Variants in MIA2 observed in about 807,000 individuals in gnomAD.
The protein encoded by MIA2 is melanoma inhibitory activity protein 2.
Under a neutral mutation model 167.8 loss-of-function variants are expected in MIA2, and 127 were observed. That is an observed-to-expected ratio of 0.76 (90% CI 0.66 to 0.88). The LOEUF is 0.88. Among genes scored for constraint, MIA2 ranks in the 40% least tolerant of loss-of-function variants. The probability of loss-of-function intolerance (pLI) is 0.00; values close to 1 mark genes in which losing one functional copy is unlikely to be tolerated. For missense variants in MIA2, 1,690 were observed against 1,624.7 expected (o/e 1.04, Z -0.69); for synonymous variants, 552 against 541.9 (o/e 1.02, Z -0.26).
At chr14:39,315,120 TAAAAA>T (rs558848153) in intron 20 of MIA2, 2 of 105,886 alleles carry the variant, frequency 1.9e-5, no homozygotes, top group Admixed American at 1.1e-4. Context: ...CTGTCTCTAC[TAAAAA>T]AAAAAAAAAA....
Position 39,299,872 on chromosome 14 carries a change from A to G in MIA2, c.2505A>G (p.Gln835=), listed in dbSNP as rs2062113166. ...AAAATTTTCATTTTCAGCTTTTGCAAGAAGCTGAAGTATGGAAAGAACAAG... is the reference window on the plus strand; with the variant it reads ...AAAATTTTCATTTTCAGCTTTTGCAGGAAGCTGAAGTATGGAAAGAACAAG... ...QLQESQKQLL[Q]EAEVWKEQVS... Residue 835 remains glutamine (Q), a synonymous_variant, in exon 14 of 29, where the codon CAA becomes CAG. Transcript: ENST00000640607. The G allele has an allele frequency of 1.3e-6, 2 of 1,599,284 alleles. No homozygotes were observed. Among genetic ancestry groups the G allele is most frequent in the Admixed American group, 1.8e-5 (1 of 56,488 alleles).
intron 25 of MIA2, among the ~76,000 whole-genome samples, chr14:39,342,444 C>G (rs1337687683): frequency 1.3e-5 from 2 of 152,116 alleles, no homozygotes; most frequent in Non-Finnish European, 2.9e-5. Context: ...CAAGTCTTTG[C>G]TATTGTGAAT....
At chr14:39,277,776 A>C (rs5029820) in intron 7 of MIA2, among the ~76,000 whole-genome samples, 1 of 35,764 alleles carries the variant, frequency 2.8e-5, no homozygotes, top group African/African-American at 7.0e-5. Flanking sequence ...ATATATATAT[A>C]TATATTTATA....
At position 39,236,940 on chromosome 14, in the gene MIA2, C is replaced by G; in HGVS notation, c.134C>G (p.Ser45Ter). The G allele has an allele frequency of 6.2e-7, 1 of 1,612,230 alleles. No homozygotes were observed. The highest frequency in any genetic ancestry group is 8.5e-7 in the Non-Finnish European group (1 of 1,179,416). The change falls in exon 2 of 29, where the codon TCA becomes TGA. Residue 45 changes from serine to a stop codon, truncating the protein, a stop_gained. Transcript: ENST00000640607. LOFTEE classifies it high-confidence loss of function. The part of the protein sequence containing the change: ...LECEALINRV[S>*]AMRDYRGPDC... Reference sequence around the variant, plus strand: ...TACATAGCTTTAATAAACAGAGTCTCAGCCATGAGAGATTATAGAGGACCT... The same window carrying G: ...TACATAGCTTTAATAAACAGAGTCTGAGCCATGAGAGATTATAGAGGACCT...
chr14:39,247,390 T>C lies in MIA2; in HGVS notation c.816T>C (p.Pro272=). 6.2e-7 allele frequency: 1 copy of C among 1,614,056 alleles called. No individual in the cohort carries two copies. Among genetic ancestry groups the C allele is most frequent in the Non-Finnish European group, 8.5e-7 (1 of 1,180,004 alleles). ...NDLEELNNGE[P]QTEHQQESES... is the part of the protein sequence containing the mutation. Reference sequence around the variant, plus strand: ...TAGAGGAATTAAATAATGGTGAGCCTCAAACAGAACATCAGCAAGAATCTG... The same window carrying C: ...TAGAGGAATTAAATAATGGTGAGCCCCAAACAGAACATCAGCAAGAATCTG... Residue 272 remains proline, a synonymous_variant, in exon 4 of 29, where the codon CCT becomes CCC. Coordinates refer to ENST00000640607, the MANE Select transcript of MIA2 (RefSeq NM_001329214.4).
chr14:39,363,283 A>C (rs34589600), intron 23 of MIA2, among the ~76,000 whole-genome samples: 44,720 of 152,158 alleles, frequency 0.29, 6,891 homozygotes, highest in East Asian at 0.5. Flanking sequence ...TAATCTCAGC[A>C]CTTTGGGAGG....
At chr14:39,288,288 C>G (rs1249072289) in intron 9 of MIA2, among the ~76,000 whole-genome samples, 1 of 150,606 alleles carries the variant, frequency 6.6e-6, no homozygotes, top group Non-Finnish European at 1.5e-5. Flanking sequence ...ATAGGAGAAC[C>G]TATCTCTCAA....
intron 12 of MIA2, among the ~76,000 whole-genome samples, chr14:39,294,380 T>G (rs974429687): frequency 6.6e-6 from 1 of 152,114 alleles, no homozygotes; most frequent in Non-Finnish European, 1.5e-5. Context: ...GTATTTTTAG[T>G]AGAGGCAGGG....
intron 9 of MIA2, among the ~76,000 whole-genome samples, chr14:39,282,042 G>A (rs1214282517): frequency 6.6e-6 from 1 of 151,802 alleles, no homozygotes; most frequent in East Asian, 1.9e-4. Context: ...GTCTATTTCT[G>A]GTGCTCATTT....
intron 9 of MIA2, among the ~76,000 whole-genome samples, chr14:39,282,998 C>T (rs1031556198): frequency 5.9e-5 from 9 of 152,168 alleles, no homozygotes; most frequent in Admixed American, 6.6e-5. Flanking sequence ...CAATATTTTT[C>T]TTTCTATATC....
intron 6 of MIA2, among the ~76,000 whole-genome samples, chr14:39,259,087 C>G (rs1344941530): frequency 6.6e-6 from 1 of 152,178 alleles, no homozygotes; most frequent in East Asian, 1.9e-4. Flanking sequence ...GAAGTCTGCC[C>G]CTTAGCAGAG....
chr14:39,302,886 G>T (rs554964656), intron 15 of MIA2, among the ~76,000 whole-genome samples: 3 of 152,188 alleles, frequency 2.0e-5, no homozygotes, highest in Admixed American at 6.5e-5. Context: ...TTTTACCCCA[G>T]TGGCAGTTCT....
chr14:39,336,807 G>A (rs910060930), intron 25 of MIA2, among the ~76,000 whole-genome samples: 1 of 152,184 alleles, frequency 6.6e-6, no homozygotes, highest in Admixed American at 6.5e-5. Flanking sequence ...GTGCTGTGGT[G>A]TGATTATAGC....
chr14:39,284,839 G>A (rs1462423862), intron 9 of MIA2, among the ~76,000 whole-genome samples: 3 of 151,926 alleles, frequency 2.0e-5, no homozygotes, highest in Non-Finnish European at 2.9e-5. Context: ...TGGAGGGAAG[G>A]TCAGCAGATA....
intron 21 of MIA2, 83 bp from the exon 22 acceptor site, chr14:39,317,857 AATTT>A: frequency 1.2e-6 from 1 of 835,206 alleles, no homozygotes. Context: ...ATTTTTAAGA[AATTT>A]AATGAATGTT....
intron 25 of MIA2, among the ~76,000 whole-genome samples, chr14:39,332,607 C>T (rs1438721663): frequency 6.6e-6 from 1 of 152,098 alleles, no homozygotes; most frequent in East Asian, 1.9e-4. Context: ...TGTTGATGAC[C>T]TTCGGATGGA....
chr14:39,320,968 A>T lies in MIA2; in HGVS notation c.3408A>T (p.Ser1136=), dbSNP rs547761023. The change falls in exon 24 of 29, where the codon TCA becomes TCT. Residue 1136 remains serine, a synonymous_variant. Transcript: ENST00000640607. ...GTCCCTCACCATTGGGTTGGCCTTC[A>T]TCTGAAACAAGAGCTTTTCTCTCTC... ...PYGPSPLGWP[S]SETRAFLSPP... is the part of the protein sequence containing the mutation. 1.2e-6 allele frequency: 2 copies of T among 1,613,790 alleles called. No homozygotes were observed. The highest frequency in any genetic ancestry group is 2.7e-5 in the African/African-American group (2 of 75,054).
At chr14:39,298,413 T>TTATATATGTATATATA (rs1555375665) in intron 13 of MIA2, among the ~76,000 whole-genome samples, 7 of 26,136 alleles carry the variant, frequency 2.7e-4, no homozygotes, top group African/African-American at 9.7e-4. Context: ...TGATTCTGTT[T>TTATATATGTATATATA]TATATATATA....
intron 6 of MIA2, among the ~76,000 whole-genome samples, chr14:39,267,979 C>CGT (rs1246747382): frequency 1.3e-5 from 1 of 79,794 alleles, no homozygotes; most frequent in Admixed American, 1.2e-4. Flanking sequence ...TTTGATTCTG[C>CGT]ATTTTTTTTT....
Sources: gnomAD v4.1 joint callset for allele counts (sites outside exome capture counted in the v4.1 genomes callset) on GRCh38, gnomAD v4.1.1 for gene constraint, MANE v1.5 for transcripts, NCBI Gene and HGNC (gene_info 2026-07-23, HGNC 2026-07-21) for gene names.